SCUBE2: variants seen among roughly 807,000 people sequenced by gnomAD.
SCUBE2 encodes signal peptide, CUB domain and EGF like domain containing 2.
A neutral mutation model predicts 125.9 loss-of-function variants in SCUBE2; 114 were observed. That is an observed-to-expected ratio of 0.91 (90% CI 0.78 to 1.06). The LOEUF is 1.06. SCUBE2 is among the 50% of genes least tolerant of loss of function. The pLI, the probability that SCUBE2 is intolerant of heterozygous loss-of-function variation, is 0.00. For synonymous variants in SCUBE2, 459 were observed against 492.9 expected, an observed-to-expected ratio of 0.93 and a Z score of 0.91; for missense variants, 1,255 against 1,301.8, an observed-to-expected ratio of 0.96 and a Z score of 0.55.
chr11:9,054,544 C>A (rs1175463413), intron 10 of SCUBE2, among the ~76,000 whole-genome samples: 1 of 151,522 alleles, frequency 6.6e-6, no homozygotes, highest in African/African-American at 2.4e-5. Context: ...GAGTCCAGAT[C>A]AAAAGGTAGC....
intron 16 of SCUBE2, among the ~76,000 whole-genome samples, chr11:9,044,411 A>C (rs1160283514): frequency 6.6e-6 from 1 of 152,024 alleles, no homozygotes; most frequent in Non-Finnish European, 1.5e-5. Context: ...ACCAACCAAC[A>C]TAGTGAGACA....
At chr11:9,077,970 AC>A (rs899383046) in intron 3 of SCUBE2, among the ~76,000 whole-genome samples, 3 of 151,302 alleles carry the variant, frequency 2.0e-5, no homozygotes, top group African/African-American at 4.9e-5. Flanking sequence ...ACCTTATACT[AC>A]CCCCCGCCAC....
rs759596983 is a variant in SCUBE2, at chr11:9,048,015, G to A, written c.1723C>T (p.Arg575Ter). 10 of 1,613,990 alleles carry A rather than the reference G, an allele frequency of 6.2e-6. No individual in the cohort carries two copies. Among genetic ancestry groups the A allele is most frequent in the South Asian group, 3.3e-5 (3 of 91,076 alleles). Reference sequence around the variant, plus strand: ...AACATTTCCTTAGGGGTGCTTGGTCGGCCAGGGGCTCCTGGGACTTGCTTG... The same window carrying A: ...AACATTTCCTTAGGGGTGCTTGGTCAGCCAGGGGCTCCTGGGACTTGCTTG... ...SGKQVPGAPG[R>*]PSTPKEMFIT... Residue 575 changes from arginine (R) to a stop codon, truncating the protein, a stop_gained, in exon 15 of 23, where the codon CGA becomes TGA. Coordinates refer to ENST00000649792, the MANE Select transcript of SCUBE2 (RefSeq NM_001367977.2). LOFTEE classifies it high-confidence loss of function.
In SCUBE2 at chr11:9,091,364, T is replaced by C; in HGVS notation, c.133+32A>G. 1.5e-6 allele frequency: 2 copies of C among 1,294,614 alleles called. No individual in the cohort carries two copies. The highest frequency in any genetic ancestry group is 9.8e-7 in the Non-Finnish European group (1 of 1,024,782). 80.2% of individuals were successfully genotyped at this position (1,294,614 alleles called of 1,614,324 possible). A position where few individuals can be genotyped will look rare whatever the true frequency, so the allele number is the denominator to read the frequency against. On this transcript the variant is annotated intron_variant, in intron 1 of 22. Transcript: ENST00000649792. The surrounding 1 kb of genome is among the most constrained non-coding windows in gnomAD (Gnocchi z 8.5). ...ACACTCTTCCTGGCCCTGCCTGCTG[T>C]GCCAGGTGCGCCCCCGCGGCCGGAC...
chr11:9,029,608 G>A (rs1856105379), intron 19 of SCUBE2, among the ~76,000 whole-genome samples: 1 of 152,232 alleles, frequency 6.6e-6, no homozygotes, highest in Admixed American at 6.5e-5. Context: ...TGCTGATCAA[G>A]GCTGGACTAA....
At chr11:9,085,827 GTTTT>G (rs67816315) in intron 2 of SCUBE2, among the ~76,000 whole-genome samples, 2,094 of 149,882 alleles carry the variant, frequency 0.014, 47 homozygotes, top group African/African-American at 0.05. Flanking sequence ...AATCTCTTTA[GTTTT>G]TTTTTTTTTT....
At chr11:9,084,583 T>C (rs777727112) in intron 2 of SCUBE2, among the ~76,000 whole-genome samples, 2 of 152,338 alleles carry the variant, frequency 1.3e-5, no homozygotes, top group Non-Finnish European at 2.9e-5. Flanking sequence ...AACCCCATCT[T>C]GCTCAGGCAA....
rs1322780616 is a variant in SCUBE2, at chr11:9,019,524, AATG to A, written c.*1518_*1520del. Among the ~76,000 whole-genome samples, 17 of 141,998 alleles carry A rather than the reference AATG, an allele frequency of 1.2e-4. No individual in the cohort carries two copies. Among genetic ancestry groups the A allele is most frequent in the Non-Finnish European group, 2.4e-4 (15 of 63,542 alleles). The allele number at this position is 141,998 out of a possible 152,430, so 93.2% of individuals were successfully genotyped here. On this transcript the variant is annotated 3_prime_UTR_variant, in exon 23 of 23. Transcript: ENST00000649792. Reference sequence around the variant, plus strand: ...CTTGTTTTAATGCTATTTTTTTTTTAATGATGATGTTCAAACTTTTGAAGAGAA... The same window carrying A: ...CTTGTTTTAATGCTATTTTTTTTTTAATGATGTTCAAACTTTTGAAGAGAA...
chr11:9,031,643 G>C (rs928354969), intron 17 of SCUBE2, among the ~76,000 whole-genome samples: 1 of 151,556 alleles, frequency 6.6e-6, no homozygotes. Context: ...AAAAAAAAGA[G>C]TGACCCAAAG....
intron 7 of SCUBE2, among the ~76,000 whole-genome samples, chr11:9,062,471 T>C (rs1340556904): frequency 6.6e-6 from 1 of 152,226 alleles, no homozygotes; most frequent in Non-Finnish European, 1.5e-5. Context: ...TCCAATTGGC[T>C]TTTTAGTATT....
At chr11:9,060,261 G>A (rs1859534867) in intron 8 of SCUBE2, 147 bp downstream of exon 8, 1 of 620,822 alleles carries the variant, frequency 1.6e-6, no homozygotes, top group Admixed American at 2.5e-5. Flanking sequence ...TAGCCCAGGG[G>A]GAAAAAGCTC....
chr11:9,026,179 T>G (rs182510745), intron 20 of SCUBE2: 3 of 201,492 alleles, frequency 1.5e-5, no homozygotes, highest in Non-Finnish European at 2.0e-5. Context: ...ATCACCACCA[T>G]TTGCTGCCTA....
intron 13 of SCUBE2, among the ~76,000 whole-genome samples, chr11:9,052,412 A>G (rs1481250858): frequency 6.6e-6 from 1 of 152,182 alleles, no homozygotes; most frequent in Non-Finnish European, 1.5e-5. Context: ...TTCTATCCAC[A>G]CCATGTGCTC....
chr11:9,033,439 T>A (rs1566171947), intron 17 of SCUBE2, among the ~76,000 whole-genome samples, 187 bp downstream of exon 17: 1 of 152,170 alleles, frequency 6.6e-6, no homozygotes, highest in Admixed American at 6.5e-5. Flanking sequence ...CTCAAATGAG[T>A]ATCTGCCCAG....
chr11:9,039,232 C>T (rs1417337733), intron 16 of SCUBE2, among the ~76,000 whole-genome samples: 1 of 150,456 alleles, frequency 6.6e-6, no homozygotes, highest in Non-Finnish European at 1.5e-5. Flanking sequence ...CCTGGTACAA[C>T]AGACTGAGCT....
At chr11:9,055,945 ACT>A in intron 9 of SCUBE2, 36 bp from the exon 10 acceptor site, 1 of 1,494,570 alleles carries the variant, frequency 6.7e-7, no homozygotes, top group Non-Finnish European at 9.3e-7. Flanking sequence ...GCTGAAACCC[ACT>A]CTGAGGGATG....
intron 14 of SCUBE2, 38 bp downstream of exon 14, chr11:9,050,568 G>T: frequency 6.5e-7 from 1 of 1,534,342 alleles, no homozygotes; most frequent in South Asian, 1.1e-5. Context: ...CTTCCCACAT[G>T]CAGGCAAGCT....
At chr11:9,025,618 T>C (rs754374195) in intron 21 of SCUBE2, 84 bp downstream of exon 21, 12 of 1,524,802 alleles carry the variant, frequency 7.9e-6, no homozygotes, top group Non-Finnish European at 9.8e-6. Context: ...GCATGTGTGC[T>C]TGTCAGCAGT....
chr11:9,089,247 A>G (rs879917619), intron 2 of SCUBE2, among the ~76,000 whole-genome samples: 2 of 152,198 alleles, frequency 1.3e-5, no homozygotes, highest in African/African-American at 2.4e-5. Flanking sequence ...AATGCCAAAC[A>G]TTGTGGCCAA....
Sources: gnomAD v4.1 joint callset for allele counts (sites outside exome capture counted in the v4.1 genomes callset) on GRCh38, gnomAD v4.1.1 for gene constraint, Gnocchi (gnomAD v3.1) non-coding constraint, MANE v1.5 for transcripts, NCBI Gene and HGNC (gene_info 2026-07-23, HGNC 2026-07-21) for gene names.